The following SCN2A variants were observed in gnomAD, a reference collection of about 807,000 sequenced individuals.
The protein encoded by SCN2A is sodium voltage-gated channel alpha subunit 2.
In SCN2A, 20 loss-of-function variants were observed where a neutral mutation model predicts 188.7. The observed-to-expected ratio is 0.11, with a 90% CI of 0.07 to 0.15. The LOEUF (loss-of-function observed/expected upper bound fraction) is 0.15. Ranked by LOEUF, SCN2A falls within the 10% of genes least tolerant of loss-of-function variation. The pLI is 1.00. For missense variants in SCN2A, 1,278 were observed against 2,445.0 expected, an observed-to-expected ratio of 0.52 and a Z score of 10.07; for synonymous variants, 804 against 833.1, an observed-to-expected ratio of 0.97 and a Z score of 0.60.
At chr2:165,304,085 A>T (rs1696986001) in intron 3 of SCN2A, among the ~76,000 whole-genome samples, 1 of 152,120 alleles carries the variant, frequency 6.6e-6, no homozygotes, top group Admixed American at 6.5e-5. Context: ...AAAAATGTAG[A>T]AACTTGTGTA....
At chr2:165,294,304 C>T (rs1016737630) in intron 1 of SCN2A, among the ~76,000 whole-genome samples, 2 of 151,914 alleles carry the variant, frequency 1.3e-5, no homozygotes, top group Admixed American at 6.6e-5. Flanking sequence ...GCAGTTTCCT[C>T]CCCCAGTGTG....
At chr2:165,317,481 G>A (rs1372860044) in intron 11 of SCN2A, among the ~76,000 whole-genome samples, 1 of 151,930 alleles carries the variant, frequency 6.6e-6, no homozygotes, top group African/African-American at 2.4e-5. Flanking sequence ...AGTTGTCTAA[G>A]TTTTGGCCAA....
In SCN2A at chr2:165,327,311, G is replaced by A. The variant is rs149994626; in HGVS notation, c.2149+327G>A. The A allele has an allele frequency of 1.6e-4, 52 of 315,542 alleles. No individual in the cohort carries two copies. In the Middle Eastern group the frequency reaches 3.4e-3, roughly 21 times the overall value. 19.5% of individuals were successfully genotyped at this position (315,542 alleles called of 1,614,324 possible). A position where few individuals can be genotyped will look rare whatever the true frequency, so the allele number is the denominator to read the frequency against. On this transcript the variant is annotated intron_variant, in intron 13 of 26. Transcript: ENST00000375437. ...ATGCTTATACTTATGATGATGCTAAGCCATTTGGATTATATTAACTGCTTG... is the reference window on the plus strand; with the variant it reads ...ATGCTTATACTTATGATGATGCTAAACCATTTGGATTATATTAACTGCTTG...
chr2:165,373,473 A>G (rs1701149133), intron 21 of SCN2A, 126 bp downstream of exon 21: 2 of 1,052,040 alleles, frequency 1.9e-6, no homozygotes, highest in East Asian at 2.5e-5. Flanking sequence ...TAGCTAATCA[A>G]TCAAAAATAA....
Position 165,354,420 on chromosome 2 carries a change from G to T in SCN2A, c.3148G>T (p.Asp1050Tyr). The change falls in exon 17 of 27, where the codon GAC becomes TAC. Residue 1050 changes from aspartate (D) to tyrosine (Y), a missense_variant. Physicochemically the swap from Asp to Tyr is radical, Grantham distance 160 (BLOSUM62 -3). Around this residue, in one of 17 missense-constraint regions of SCN2A, gnomAD observed 228 missense variants for 297.3 expected, o/e 0.77. Coordinates refer to ENST00000375437, the MANE Select transcript of SCN2A (RefSeq NM_001040142.2). The stretch of plus-strand genomic sequence containing the variant: ...GCTTGAAGATCTAAATAATAAAAAA[G>T]ACAGCTGTATTTCCAACCATACCAC... ...KPLEDLNNKK[D>Y]SCISNHTTIE... The T allele has an allele frequency of 6.2e-7, 1 of 1,614,088 alleles. No homozygotes were observed. Among genetic ancestry groups the T allele is most frequent in the South Asian group, 1.1e-5 (1 of 91,058 alleles).
intron 14 of SCN2A, among the ~76,000 whole-genome samples, chr2:165,342,086 G>A (rs1699349049): frequency 6.6e-6 from 1 of 152,118 alleles, no homozygotes; most frequent in Non-Finnish European, 1.5e-5. Flanking sequence ...GACTTAATCC[G>A]TGTACTCTTT....
chr2:165,354,298 G>A lies in SCN2A; in HGVS notation c.3026G>A (p.Arg1009Lys), dbSNP rs1325204872. The change falls in exon 17 of 27, where the codon AGG becomes AAG. Residue 1009 changes from arginine (R) to lysine (K), a missense_variant. Arg to Lys is a conservative substitution (Grantham distance 26). This residue lies in a region of SCN2A where 228 missense variants were observed against 297.3 expected (regional missense o/e 0.77). Coordinates refer to ENST00000375437, the MANE Select transcript of SCN2A (RefSeq NM_001040142.2). ...EMNNLQIAVG[R>K]MQKGIDFVKR... ...AATAATCTCCAGATTGCTGTGGGAA[G>A]GATGCAGAAAGGAATCGATTTTGTT... 4 of 1,613,950 alleles carry A rather than the reference G, an allele frequency of 2.5e-6. No individual in the cohort carries two copies. Among genetic ancestry groups the A allele is most frequent in the African/African-American group, 1.3e-5 (1 of 74,890 alleles).
At chr2:165,254,723 G>C (rs1217788421) in intron 1 of SCN2A, among the ~76,000 whole-genome samples, 1 of 151,670 alleles carries the variant, frequency 6.6e-6, no homozygotes, top group Non-Finnish European at 1.5e-5. Flanking sequence ...TTTTAACATA[G>C]TTAATAATTT....
chr2:165,259,553 G>A (rs1266633993), intron 1 of SCN2A, among the ~76,000 whole-genome samples: 4 of 152,172 alleles, frequency 2.6e-5, no homozygotes, highest in African/African-American at 9.7e-5. Context: ...TTCACTGGGA[G>A]TAGATTCCAT....
In SCN2A at chr2:165,389,243, A is replaced by G. The variant is rs1415735621; in HGVS notation, c.5437A>G (p.Ile1813Val). 2 of 1,613,912 alleles carry G rather than the reference A, an allele frequency of 1.2e-6. No individual in the cohort carries two copies. Among genetic ancestry groups the G allele is most frequent in the African/African-American group, 1.3e-5 (1 of 74,872 alleles). ...GTTTGATCCCGATGCGACCCAGTTT[A>G]TAGAGTTTGCCAAACTTTCTGATTT... The part of the protein sequence containing the change: ...EKFDPDATQF[I>V]EFAKLSDFAD... Residue 1813 changes from isoleucine (I) to valine (V), a missense_variant, in exon 27 of 27, where the codon ATA becomes GTA. Around this residue, in one of 17 missense-constraint regions of SCN2A, gnomAD observed 54 missense variants for 135.4 expected, o/e 0.40. Coordinates refer to ENST00000375437, the MANE Select transcript of SCN2A (RefSeq NM_001040142.2). This position sits in a 1 kb window ranked among gnomAD's most constrained non-coding sequence, Gnocchi z 4.2.
chr2:165,310,978 C>CT (rs777789893), intron 7 of SCN2A, among the ~76,000 whole-genome samples: 11 of 152,100 alleles, frequency 7.2e-5, no homozygotes, highest in South Asian at 4.2e-4. Flanking sequence ...TAATTTGGCC[C>CT]TATTTGGTTG....
In SCN2A at chr2:165,388,593, A is replaced by G. The variant is rs998428733; in HGVS notation, c.4823-36A>G. The G allele has an allele frequency of 3.7e-6, 6 of 1,613,152 alleles. No individual in the cohort carries two copies. In the African/African-American group the frequency reaches 4.0e-5, roughly 11 times the overall value. On this transcript the variant is annotated intron_variant, in intron 26 of 26. Coordinates refer to ENST00000375437, the MANE Select transcript of SCN2A (RefSeq NM_001040142.2). The stretch of plus-strand genomic sequence containing the variant: ...AAACTTTCATTTGCTACTATTAAGT[A>G]TAACAATATTTTTGTTATTTGTTGA...
chr2:165,351,302 A>G (rs978534420), intron 16 of SCN2A, among the ~76,000 whole-genome samples: 4 of 152,196 alleles, frequency 2.6e-5, no homozygotes, highest in African/African-American at 9.6e-5. Flanking sequence ...TAAAAAAAAT[A>G]AAAACTTCAA....
chr2:165,318,798 T>C (rs1697907574), intron 11 of SCN2A, among the ~76,000 whole-genome samples: 3 of 152,166 alleles, frequency 2.0e-5, no homozygotes, highest in Non-Finnish European at 2.9e-5. Context: ...AGGAGCAGTA[T>C]GTCACACATC....
chr2:165,367,519 T>G (rs1473092090), intron 19 of SCN2A, 148 bp downstream of exon 19: 4 of 936,032 alleles, frequency 4.3e-6, no homozygotes, highest in Admixed American at 4.0e-5. Context: ...ATGAGAGGCT[T>G]AGTAAATAGC....
chr2:165,267,617 A>C (rs1039197021), intron 1 of SCN2A: 2 of 151,782 alleles, frequency 1.3e-5, no homozygotes, highest in African/African-American at 4.8e-5. Flanking sequence ...AAAATCACAG[A>C]CCAAAACAAA....
intron 1 of SCN2A, among the ~76,000 whole-genome samples, chr2:165,264,776 T>C (rs1362187925): frequency 6.6e-6 from 1 of 152,184 alleles, no homozygotes; most frequent in Non-Finnish European, 1.5e-5. Flanking sequence ...GCTCCAACCA[T>C]GTCCTTGAAG....
rs72874371 is a variant in SCN2A at position 165,370,071 on chromosome 2, A to G, written c.3676-55A>G. 0.045 allele frequency: 67,747 copies of G among 1,494,176 alleles called. 1,832 individuals are homozygous for G. Among genetic ancestry groups the G allele is most frequent in the Non-Finnish European group, 0.055 (59,026 of 1,076,754 alleles). The allele number at this position is 1,494,176 out of a possible 1,614,324, so 92.6% of individuals were successfully genotyped here. A position where few individuals can be genotyped will look rare whatever the true frequency, so the allele number is the denominator to read the frequency against. Reference sequence around the variant, plus strand: ...GCATCGTTTCCTTTTTTAAGAAATCATCAATTAGAGACTGTTTCTGATCAT... The same window carrying G: ...GCATCGTTTCCTTTTTTAAGAAATCGTCAATTAGAGACTGTTTCTGATCAT... On this transcript the variant is annotated intron_variant, in intron 19 of 26. Coordinates refer to ENST00000375437, the MANE Select transcript of SCN2A (RefSeq NM_001040142.2).
chr2:165,342,279 C>T lies in SCN2A; in HGVS notation c.2389-17C>T, dbSNP rs1461082035. 7 of 1,608,652 alleles carry T rather than the reference C, an allele frequency of 4.4e-6. No individual in the cohort carries two copies. In the African/African-American group the frequency reaches 5.3e-5, roughly 12 times the overall value. ...CAAGAGTATTTGCTCATATAATGAA[C>T]TACACTTCTCATTTAGGTCTTCACA... On this transcript the variant is annotated splice_polypyrimidine_tract_variant and intron_variant, in intron 14 of 26. Transcript: ENST00000375437.
Sources: allele counts gnomAD v4.1 joint callset (sites outside exome capture counted in the v4.1 genomes callset), GRCh38; gene constraint gnomAD v4.1.1; regional missense constraint gnomAD v4.1.1; non-coding constraint Gnocchi (gnomAD v3.1); transcripts MANE v1.5; gene names NCBI Gene and HGNC (gene_info 2026-07-23, HGNC 2026-07-21).